NRG4: variants seen among roughly 807,000 people sequenced by gnomAD.
NRG4 encodes the protein pro-neuregulin-4, membrane-bound isoform.
NRG4 carries 10 observed loss-of-function variants against 15.0 expected under a neutral mutation model. That is an observed-to-expected ratio of 0.67 (90% CI 0.41 to 1.13). NRG4 has a LOEUF of 1.13. Ranked by LOEUF, NRG4 falls within the 50% of genes most tolerant of loss-of-function variation. The pLI is 0.00. For missense variants in NRG4, 139 were observed against 140.2 expected (o/e 0.99, Z 0.04); for synonymous variants, 41 against 50.1 (o/e 0.82, Z 0.77).
At chr15:75,974,674 G>C (rs1215582906) in intron 3 of NRG4, among the ~76,000 whole-genome samples, 2 of 152,164 alleles carry the variant, frequency 1.3e-5, no homozygotes, top group East Asian at 3.9e-4. Flanking sequence ...GGCTTTGAGT[G>C]AGTTTCTTAA....
intron 5 of NRG4, among the ~76,000 whole-genome samples, chr15:76,031,394 C>T (rs1325827952): frequency 2.0e-5 from 3 of 152,108 alleles, no homozygotes; most frequent in Non-Finnish European, 4.4e-5. Flanking sequence ...AAATATAAAA[C>T]ATAAAAATTG....
chr15:75,978,588 G>A (rs1275594445), intron 3 of NRG4, among the ~76,000 whole-genome samples: 3 of 152,104 alleles, frequency 2.0e-5, no homozygotes, highest in African/African-American at 7.2e-5. Context: ...TCATATGGTG[G>A]ATCTATTTTC....
intron 2 of NRG4, among the ~76,000 whole-genome samples, chr15:76,054,549 G>A (rs1214585259): frequency 1.3e-5 from 2 of 152,078 alleles, no homozygotes; most frequent in East Asian, 3.8e-4. Flanking sequence ...TAAGTAGCTG[G>A]GATTACAGGC....
At position 76,050,726 on chromosome 15, in the gene NRG4, A is replaced by G. The variant is rs577761996; in HGVS notation, c.-105+1341T>C. Among the ~76,000 whole-genome samples the G allele has an allele frequency of 7.4e-4, 108 of 145,726 alleles. 6 individuals are homozygous for G. Among genetic ancestry groups the G allele is most frequent in the Middle Eastern group, 3.5e-3 (1 of 284 alleles). ...CCCAAAGTGCTGGGATTACAGGCGT[A>G]AGCCACCGTGCCCAGCCGAGCCTTC... On this transcript the variant is annotated intron_variant, in intron 4 of 8. Coordinates refer to the NRG4 transcript ENST00000563910.
chr15:76,011,180 G>A (rs1199667444), intron 2 of NRG4, 41 bp downstream of exon 2: 2 of 1,353,956 alleles, frequency 1.5e-6, no homozygotes, highest in South Asian at 4.1e-5. Context: ...TATTGCTATG[G>A]ACACATATTG....
chr15:76,041,342 C>G (rs2035733081), intron 4 of NRG4, among the ~76,000 whole-genome samples: 1 of 151,954 alleles, frequency 6.6e-6, no homozygotes, highest in Non-Finnish European at 1.5e-5. Flanking sequence ...GTGGACTAGA[C>G]TCTTCAATCA....
chr15:76,018,743 CT>C (rs1345263971), intron 5 of NRG4, among the ~76,000 whole-genome samples: 1 of 152,194 alleles, frequency 6.6e-6, no homozygotes, highest in Non-Finnish European at 1.5e-5. Context: ...GGCTGGAGCT[CT>C]CCTGTATGAG....
At chr15:75,974,945 T>G (rs1567085785) in intron 3 of NRG4, among the ~76,000 whole-genome samples, 1 of 152,112 alleles carries the variant, frequency 6.6e-6, no homozygotes, top group Non-Finnish European at 1.5e-5. Flanking sequence ...ATATTGACAG[T>G]GGGGTGTTAA....
chr15:76,001,175 T>C (rs1381421145), intron 3 of NRG4, among the ~76,000 whole-genome samples: 1 of 151,788 alleles, frequency 6.6e-6, no homozygotes, highest in Non-Finnish European at 1.5e-5. Flanking sequence ...TTTTGTTTGG[T>C]AAAGATGAGG....
At chr15:76,049,063 C>T (rs1474649329) in intron 4 of NRG4, among the ~76,000 whole-genome samples, 2 of 149,978 alleles carry the variant, frequency 1.3e-5, no homozygotes, top group Non-Finnish European at 3.0e-5. Context: ...AAAAAAAATC[C>T]AAACAGGATA....
At chr15:76,032,323 TACAAAGCC>T (rs1168972178) in intron 5 of NRG4, among the ~76,000 whole-genome samples, 4 of 152,188 alleles carry the variant, frequency 2.6e-5, no homozygotes, top group Non-Finnish European at 5.9e-5. Flanking sequence ...AAATATTGTG[TACAAAGCC>T]ACCAAGAAAA....
In NRG4 at chr15:75,943,546, A is replaced by ATCTT. The variant is rs1234598346; in HGVS notation, c.*91_*92insAAGA. ...ACACAAGCGTTTTATTTAAGAAATA[A>ATCTT]AGGATTAGATTTTTAATTCTTTTAC... is the stretch of plus-strand genomic sequence containing the variant. On this transcript the variant is annotated 3_prime_UTR_variant, in exon 6 of 6. Coordinates refer to ENST00000394907, the MANE Select transcript of NRG4 (RefSeq NM_138573.4). 6 of 795,472 alleles carry ATCTT rather than the reference A, an allele frequency of 7.5e-6. No individual in the cohort carries two copies. The highest frequency in any genetic ancestry group is 6.5e-6 in the Non-Finnish European group (3 of 464,604). 49.3% of individuals were successfully genotyped at this position (795,472 alleles called of 1,614,324 possible).
chr15:75,940,653 T>G (rs867536159), downstream of NRG4: 1 of 152,038 alleles, frequency 6.6e-6, no homozygotes, highest in Non-Finnish European at 1.5e-5. Flanking sequence ...GATAGACCAA[T>G]GGGATAGACT....
chr15:76,060,021 G>A (rs2036261213), upstream of NRG4: 1 of 150,808 alleles, frequency 6.6e-6, no homozygotes, highest in Non-Finnish European at 1.5e-5. Flanking sequence ...CAGCAGGTAT[G>A]TGTCCTCGCA....
upstream of NRG4, among the ~76,000 whole-genome samples, chr15:76,014,991 C>T (rs965633605): frequency 3.9e-5 from 6 of 152,140 alleles, no homozygotes; most frequent in African/African-American, 7.2e-5. Context: ...GAATGTTCTT[C>T]CATTTGTTTG....
chr15:75,967,462 T>C (rs2032860025), intron 3 of NRG4, among the ~76,000 whole-genome samples: 1 of 146,130 alleles, frequency 6.8e-6, no homozygotes, highest in African/African-American at 2.5e-5. Flanking sequence ...TTAGATTTTT[T>C]TTTTTTTTTT....
chr15:76,059,394 G>T (rs2036239160), intron 1 of NRG4, among the ~76,000 whole-genome samples: 1 of 152,128 alleles, frequency 6.6e-6, no homozygotes, highest in Non-Finnish European at 1.5e-5. Context: ...TCCCTCACCG[G>T]GCGCCCCGCG....
chr15:76,027,920 C>T (rs768299952), intron 5 of NRG4, among the ~76,000 whole-genome samples: 7 of 152,004 alleles, frequency 4.6e-5, no homozygotes, highest in Non-Finnish European at 5.9e-5. Context: ...CCCTGCTGAA[C>T]GACCAGTGGA....
At chr15:75,965,510 G>A (rs1469570266) in intron 3 of NRG4, among the ~76,000 whole-genome samples, 1 of 152,182 alleles carries the variant, frequency 6.6e-6, no homozygotes, top group Non-Finnish European at 1.5e-5. Context: ...TCTTATCATT[G>A]TTAGGTCAAA....
Sources: allele counts gnomAD v4.1 joint callset (sites outside exome capture counted in the v4.1 genomes callset), GRCh38; gene constraint gnomAD v4.1.1; transcripts MANE v1.5; gene names NCBI Gene and HGNC (gene_info 2026-07-23, HGNC 2026-07-21).